Variants in PAK2 observed in about 807,000 individuals in gnomAD.
The protein encoded by PAK2 is serine/threonine-protein kinase PAK 2.
In PAK2, 21 loss-of-function variants were observed where a neutral mutation model predicts 65.9. The ratio of observed to expected loss-of-function variants is 0.32; its 90% confidence interval spans 0.23 to 0.46. PAK2 has a LOEUF of 0.46. Ranked by LOEUF, PAK2 falls within the 20% of genes least tolerant of loss-of-function variation. PAK2 has a pLI of 1.00. For missense variants in PAK2, 324 were observed against 642.6 expected, an observed-to-expected ratio of 0.50 and a Z score of 5.36; for synonymous variants, 204 against 219.7, an observed-to-expected ratio of 0.93 and a Z score of 0.63.
chr3:196,815,295 C>A (rs1432559067), intron 11 of PAK2, among the ~76,000 whole-genome samples: 1 of 151,702 alleles, frequency 6.6e-6, no homozygotes, highest in Non-Finnish European at 1.5e-5. Flanking sequence ...GTTTTGAGAC[C>A]AGCCTGGGAA....
In PAK2 at chr3:196,791,779, C is replaced by T. The variant is rs1472832006; in HGVS notation, c.187+8946C>T. ...CTCTACTAAAAATACAAAAAGTTAG[C>T]CAGGCGTGGTGGCGGGCCCCTGTAG... On this transcript the variant is annotated intron_variant, in intron 2 of 14. Coordinates refer to ENST00000327134, the MANE Select transcript of PAK2 (RefSeq NM_002577.4). This position sits in a 1 kb window ranked among gnomAD's most constrained non-coding sequence, Gnocchi z 4.0. 2.0e-5 allele frequency among the ~76,000 whole-genome samples: 3 copies of T among 152,072 alleles called. No individual in the cohort carries two copies. Among genetic ancestry groups the T allele is most frequent in the Non-Finnish European group, 4.4e-5 (3 of 68,018 alleles).
In PAK2 at chr3:196,791,327, T is replaced by G. The variant is rs1008876418; in HGVS notation, c.187+8494T>G. ...GTGTGTTATGTAAAAACAAATGGCA[T>G]TGAACAGATTTTTAGGATTTTATGT... On this transcript the variant is annotated intron_variant, in intron 2 of 14. Transcript: ENST00000327134. The surrounding 1 kb of genome is among the most constrained non-coding windows in gnomAD (Gnocchi z 4.0). Among the ~76,000 whole-genome samples the G allele has an allele frequency of 1.3e-5, 2 of 152,198 alleles. No homozygotes were observed. Among genetic ancestry groups the G allele is most frequent in the Non-Finnish European group, 2.9e-5 (2 of 68,034 alleles).
chr3:196,804,828 CATATATAT>C (rs113952444), intron 4 of PAK2, among the ~76,000 whole-genome samples: 5 of 147,562 alleles, frequency 3.4e-5, no homozygotes, highest in African/African-American at 1.2e-4. Context: ...TATATATACA[CATATATAT>C]ATATATATAC....
At chr3:196,789,806 G>A (rs747738824) in intron 2 of PAK2, among the ~76,000 whole-genome samples, 12 of 152,138 alleles carry the variant, frequency 7.9e-5, no homozygotes, top group South Asian at 4.1e-4. Flanking sequence ...GGGTGGTTTC[G>A]GTATGAAACT....
intron 1 of PAK2, among the ~76,000 whole-genome samples, chr3:196,752,730 A>T (rs1713643648): frequency 6.6e-6 from 1 of 151,956 alleles, no homozygotes; most frequent in Admixed American, 6.6e-5. Context: ...CCTCCCGAAT[A>T]GCTGGGATTA....
intron 2 of PAK2, among the ~76,000 whole-genome samples, chr3:196,797,066 A>AAT (rs34314098): frequency 0.27 from 40,398 of 151,984 alleles, 6,066 homozygotes; most frequent in African/African-American, 0.4. Context: ...ATTTGAACGT[A>AAT]ACTATCAGCC....
In PAK2 at chr3:196,764,846, T is replaced by C. The variant is rs1281276415; in HGVS notation, c.-21-17780T>C. On this transcript the variant is annotated intron_variant, in intron 1 of 14. Transcript: ENST00000327134. ...AATTTTCTTTTCTTTTCTTTCTTTTTTTTTTTTTTTTTTTGAGACGGAGTC... is the reference window on the plus strand; with the variant it reads ...AATTTTCTTTTCTTTTCTTTCTTTTCTTTTTTTTTTTTTTGAGACGGAGTC... 9.1e-5 allele frequency among the ~76,000 whole-genome samples: 13 copies of C among 142,774 alleles called. 1 individual carries two copies. Among genetic ancestry groups the C allele is most frequent in the African/African-American group, 2.3e-4 (9 of 39,050 alleles). 93.7% of individuals were successfully genotyped at this position (142,774 alleles called of 152,430 possible).
intron 13 of PAK2, among the ~76,000 whole-genome samples, chr3:196,825,076 C>A (rs28890884): frequency 3.3e-5 from 5 of 152,110 alleles, no homozygotes; most frequent in Non-Finnish European, 7.3e-5. Context: ...CCAGACGCAG[C>A]GGCTCATGCC....
intron 1 of PAK2, among the ~76,000 whole-genome samples, chr3:196,758,329 C>T (rs1325560739): frequency 6.6e-6 from 1 of 152,218 alleles, no homozygotes; most frequent in East Asian, 1.9e-4. Flanking sequence ...GACATTTAAG[C>T]TAGTACTTGA....
At chr3:196,754,368 A>ATG (rs1318661648) in intron 1 of PAK2, among the ~76,000 whole-genome samples, 2 of 152,042 alleles carry the variant, frequency 1.3e-5, no homozygotes, top group African/African-American at 4.8e-5. Context: ...TTTGTCAGAG[A>ATG]TGTGTGTGTG....
intron 1 of PAK2, among the ~76,000 whole-genome samples, chr3:196,740,716 GCCA>G (rs1171595351): frequency 9.9e-5 from 15 of 152,258 alleles, no homozygotes; most frequent in Non-Finnish European, 1.6e-4. Flanking sequence ...GCGCTTGAGG[GCCA>G]CCGCTTACGA....
rs553643796 is a variant in PAK2 at position 196,814,055 on chromosome 3, A to G, written c.936-396A>G. 8.5e-5 allele frequency among the ~76,000 whole-genome samples: 13 copies of G among 152,290 alleles called. No homozygotes were observed. The South Asian group carries it at 2.7e-3, about 32-fold the overall frequency. On this transcript the variant is annotated intron_variant, in intron 10 of 14. Transcript: ENST00000327134. The stretch of plus-strand genomic sequence containing the variant: ...GTTAAGATAAGCCAGGGGCTTCGGA[A>G]TCGTTGATCCTTGGCTTCATATTCT...
intron 1 of PAK2, among the ~76,000 whole-genome samples, chr3:196,755,455 G>A (rs1713736796): frequency 1.9e-5 from 2 of 105,296 alleles, no homozygotes; most frequent in Non-Finnish European, 3.5e-5. Flanking sequence ...TTCTTCTTCC[G>A]ACTTTTTTTT....
rs1481037411 is a variant in PAK2, at chr3:196,829,765, A to G, written c.*1360A>G. On this transcript the variant is annotated 3_prime_UTR_variant, in exon 15 of 15. Coordinates refer to ENST00000327134, the MANE Select transcript of PAK2 (RefSeq NM_002577.4). ...GTTTAGTTTTGTTTTGTTTTTTCAA[A>G]TAAGTAGAGACTATTGTAAAAAACG... is the stretch of plus-strand genomic sequence containing the variant. 2 of 152,218 alleles carry G rather than the reference A, an allele frequency of 1.3e-5. No individual in the cohort carries two copies. The highest frequency in any genetic ancestry group is 2.9e-5 in the Non-Finnish European group (2 of 68,044). The allele number at this position is 152,218 out of a possible 1,614,324, so 9.4% of individuals were successfully genotyped here.
intron 1 of PAK2, among the ~76,000 whole-genome samples, chr3:196,740,905 TTA>T (rs1713170440): frequency 3.3e-5 from 5 of 151,500 alleles, no homozygotes; most frequent in Admixed American, 3.3e-4. Flanking sequence ...AACTAATTCT[TTA>T]AAGATAAGTC....
chr3:196,766,164 G>A (rs996457204), intron 1 of PAK2, among the ~76,000 whole-genome samples: 3 of 151,708 alleles, frequency 2.0e-5, no homozygotes, highest in African/African-American at 7.3e-5. Flanking sequence ...CAAAGTGCTG[G>A]GATTACAGAC....
chr3:196,775,053 A>C (rs573788640), intron 1 of PAK2, among the ~76,000 whole-genome samples: 1 of 152,326 alleles, frequency 6.6e-6, no homozygotes, highest in East Asian at 1.9e-4. Context: ...TATTGTATCC[A>C]AGGCCATGCT....
intron 1 of PAK2, among the ~76,000 whole-genome samples, chr3:196,762,650 C>T (rs1403364370): frequency 6.6e-5 from 10 of 151,610 alleles, no homozygotes; most frequent in Admixed American, 3.9e-4. Context: ...AGTCCAGCTT[C>T]GGCTCCGCAT....
chr3:196,806,153 C>A (rs922394525), intron 5 of PAK2, among the ~76,000 whole-genome samples: 4 of 151,874 alleles, frequency 2.6e-5, no homozygotes, highest in African/African-American at 9.7e-5. Flanking sequence ...CCTTGTGATC[C>A]ACCCACCTCG....
Sources: allele counts gnomAD v4.1 joint callset (sites outside exome capture counted in the v4.1 genomes callset), GRCh38; gene constraint gnomAD v4.1.1; non-coding constraint Gnocchi (gnomAD v3.1); transcripts MANE v1.5; gene names NCBI Gene and HGNC (gene_info 2026-07-23, HGNC 2026-07-21).